The following PCDHGA3 variants were observed in gnomAD, a reference collection of about 807,000 sequenced individuals.
PCDHGA3 encodes protocadherin gamma subfamily A, 3.
In PCDHGA3, 40 loss-of-function variants were observed where a neutral mutation model predicts 58.5. The observed-to-expected ratio is 0.68, with a 90% CI of 0.53 to 0.89. The LOEUF is 0.89. PCDHGA3 is among the 40% of genes least tolerant of loss of function. The pLI is 0.00. For synonymous variants in PCDHGA3, 530 were observed against 525.7 expected, an observed-to-expected ratio of 1.01 and a Z score of -0.11; for missense variants, 1,223 against 1,195.9, an observed-to-expected ratio of 1.02 and a Z score of -0.33.
chr5:141,414,613 G>A (rs957641063), intron 1 of PCDHGA3: 2 of 1,613,988 alleles, frequency 1.2e-6, no homozygotes, highest in East Asian at 4.5e-5. Flanking sequence ...CTCAGTGACA[G>A]CGCTGGACCC....
chr5:141,489,530 G>A lies in PCDHGA3; in HGVS notation c.2425-5277G>A. 6.2e-7 allele frequency: 1 copy of A among 1,614,092 alleles called. No homozygotes were observed. Among genetic ancestry groups the A allele is most frequent in the Non-Finnish European group, 8.5e-7 (1 of 1,180,022 alleles). On this transcript the variant is annotated intron_variant, in intron 1 of 3. Transcript: ENST00000253812. This position sits in a 1 kb window ranked among gnomAD's most constrained non-coding sequence, Gnocchi z 4.5. ...AAGATTGACCGAGAAAGCCTATGTGGAGCCAGCACCAGCTGCCTGCTGCCA... is the reference window on the plus strand; with the variant it reads ...AAGATTGACCGAGAAAGCCTATGTGAAGCCAGCACCAGCTGCCTGCTGCCA...
intron 1 of PCDHGA3, chr5:141,384,788 G>A: frequency 1.2e-6 from 2 of 1,613,236 alleles, no homozygotes; most frequent in Non-Finnish European, 1.7e-6. Context: ...CGCACGGCTC[G>A]GGCCCTGCTG....
rs762200805 is a variant in PCDHGA3 at position 141,423,045 on chromosome 5, C to T, written c.2425-71762C>T. 8 of 1,614,210 alleles carry T rather than the reference C, an allele frequency of 5.0e-6. No homozygotes were observed. The East Asian group carries it at 1.8e-4, about 36-fold the overall frequency. ...ATTCAGGCCAGAACGCCTGGCTGTCCTATCGCCTGCTTAAGGCCAGCGAGC... is the reference window on the plus strand; with the variant it reads ...ATTCAGGCCAGAACGCCTGGCTGTCTTATCGCCTGCTTAAGGCCAGCGAGC... On this transcript the variant is annotated intron_variant, in intron 1 of 3. Transcript: ENST00000253812.
intron 1 of PCDHGA3, chr5:141,405,487 T>G (rs750718741): frequency 4.3e-6 from 4 of 924,990 alleles, no homozygotes; most frequent in Non-Finnish European, 6.4e-6. Context: ...TGGTGTGATC[T>G]CGGCTCATTG....
intron 1 of PCDHGA3, among the ~76,000 whole-genome samples, chr5:141,465,307 T>C (rs2099100636): frequency 6.6e-6 from 1 of 152,218 alleles, no homozygotes; most frequent in Non-Finnish European, 1.5e-5. Context: ...CCTGGGAATT[T>C]AGCCATGTCA....
At chr5:141,365,752 G>A in intron 1 of PCDHGA3, 1 of 1,613,696 alleles carries the variant, frequency 6.2e-7, no homozygotes, top group African/African-American at 1.3e-5. Flanking sequence ...TCTTCTCTGT[G>A]ACAGCCCATG....
At chr5:141,394,586 G>A in intron 1 of PCDHGA3, 1 of 1,613,888 alleles carries the variant, frequency 6.2e-7, no homozygotes. Context: ...TGACCAAGGT[G>A]GTGGCGGTGG....
At chr5:141,348,286 G>A (rs962086653) in intron 1 of PCDHGA3, among the ~76,000 whole-genome samples, 1 of 152,188 alleles carries the variant, frequency 6.6e-6, no homozygotes, top group African/African-American at 2.4e-5. Context: ...AGAGTAAGGT[G>A]TATTCTCACT....
chr5:141,370,143 C>G (rs931664549), intron 1 of PCDHGA3: 1 of 431,310 alleles, frequency 2.3e-6, no homozygotes, highest in African/African-American at 2.0e-5. Context: ...ATTTAGTCAC[C>G]ATTACTGCAG....
intron 1 of PCDHGA3, chr5:141,430,780 C>T: frequency 6.6e-7 from 1 of 1,511,476 alleles, no homozygotes; most frequent in Non-Finnish European, 8.8e-7. Flanking sequence ...CGCGACTGCA[C>T]CGGGACTACA....
chr5:141,484,374 T>C (rs1261372490), intron 1 of PCDHGA3, among the ~76,000 whole-genome samples: 1 of 152,186 alleles, frequency 6.6e-6, no homozygotes, highest in Non-Finnish European at 1.5e-5. Context: ...CACTAGCAAA[T>C]GTCTGAATAA....
Position 141,485,757 on chromosome 5 carries a change from T to A in PCDHGA3, c.2425-9050T>A. The A allele has an allele frequency of 6.2e-7, 1 of 1,614,174 alleles. No homozygotes were observed. The highest frequency in any genetic ancestry group is 8.5e-7 in the Non-Finnish European group (1 of 1,180,028). The stretch of plus-strand genomic sequence containing the variant: ...GACGGCAGCCTGGTCCCAGAGCTGC[T>A]CCTGGAGAAGCCTTTGGATCGAGAG... On this transcript the variant is annotated intron_variant, in intron 1 of 3. Transcript: ENST00000253812. The surrounding 1 kb of genome is among the most constrained non-coding windows in gnomAD (Gnocchi z 5.7).
At chr5:141,356,148 C>T (rs1760128442) in intron 1 of PCDHGA3, 2 of 1,613,436 alleles carry the variant, frequency 1.2e-6, no homozygotes, top group African/African-American at 1.3e-5. Context: ...GATTCTATGA[C>T]ATAGATGTAG....
chr5:141,441,343 C>T (rs2098240806), intron 1 of PCDHGA3: 1 of 152,368 alleles, frequency 6.6e-6, no homozygotes, highest in African/African-American at 2.4e-5. Flanking sequence ...TAATTAACTA[C>T]ATGCTTGTAA....
At chr5:141,357,108 C>T (rs1760471015) in intron 1 of PCDHGA3, 15 of 1,613,824 alleles carry the variant, frequency 9.3e-6, no homozygotes, top group Non-Finnish European at 1.3e-5. Flanking sequence ...TGGACAGAGA[C>T]GCGCTCAAGC....
Position 141,403,510 on chromosome 5 carries a change from C to T in PCDHGA3, c.2424+57053C>T, listed in dbSNP as rs201146573. ...TCTCCCTGAACGTGCAGACTGGAGA[C>T]AATGGAGCCATAAACCCAGAGCTGG... On this transcript the variant is annotated intron_variant, in intron 1 of 3. Transcript: ENST00000253812. 9.2e-4 allele frequency: 1,478 copies of T among 1,614,022 alleles called. 1 individual carries two copies. Among genetic ancestry groups the T allele is most frequent in the Non-Finnish European group, 1.2e-3 (1,414 of 1,179,888 alleles).
At chr5:141,391,248 A>G (rs1561633877) in intron 1 of PCDHGA3, 1 of 152,120 alleles carries the variant, frequency 6.6e-6, no homozygotes, top group Non-Finnish European at 1.5e-5. Context: ...TATCTAAGCA[A>G]CTGCTTCAGT....
At chr5:141,385,173 C>A in intron 1 of PCDHGA3, 1 of 1,614,188 alleles carries the variant, frequency 6.2e-7, no homozygotes. Context: ...ATGAGGTCTC[C>A]CTCACCGCGG....
At chr5:141,355,098 C>G (rs1561507721) in intron 1 of PCDHGA3, 1 of 1,495,944 alleles carries the variant, frequency 6.7e-7, no homozygotes, top group East Asian at 2.3e-5. Flanking sequence ...CCTGAGAGCT[C>G]TGGCTGTGAA....
Sources: allele counts gnomAD v4.1 joint callset (sites outside exome capture counted in the v4.1 genomes callset), GRCh38; gene constraint gnomAD v4.1.1; non-coding constraint Gnocchi (gnomAD v3.1); transcripts MANE v1.5; gene names NCBI Gene and HGNC (gene_info 2026-07-23, HGNC 2026-07-21).